ARL5C: variants seen among roughly 807,000 people sequenced by gnomAD.
The protein encoded by ARL5C is putative ADP-ribosylation factor-like protein 5C.
A neutral mutation model predicts 20.8 loss-of-function variants in ARL5C; 21 were observed. That is an observed-to-expected ratio of 1.01 (90% CI 0.72 to 1.46). The LOEUF (loss-of-function observed/expected upper bound fraction) is 1.46. Among genes scored for constraint, ARL5C ranks in the 40% most tolerant of loss-of-function variants. The pLI, the probability that ARL5C is intolerant of heterozygous loss-of-function variation, is 0.00. For synonymous variants in ARL5C, 71 were observed against 81.6 expected (o/e 0.87, Z 0.70); for missense variants, 199 against 225.1 (o/e 0.88, Z 0.74).
chr17:39,162,118 A>G (rs2045438106), intron 3 of ARL5C, among the ~76,000 whole-genome samples: 1 of 152,136 alleles, frequency 6.6e-6, no homozygotes, highest in African/African-American at 2.4e-5. Context: ...TAAGGCCCCT[A>G]GAGAGAAGGG....
rs1567779711 is a variant in ARL5C at position 39,158,093 on chromosome 17, GTC to G, written c.492-1153_492-1152del. Among the ~76,000 whole-genome samples the G allele has an allele frequency of 3.3e-4, 46 of 140,844 alleles. No individual in the cohort carries two copies. In the East Asian group the frequency reaches 9.8e-3, roughly 30 times the overall value. The allele number at this position is 140,844 out of a possible 152,430, so 92.4% of individuals were successfully genotyped here. On this transcript the variant is annotated intron_variant, in intron 5 of 5. Transcript: ENST00000269586. ...AGCCTGGGCAACAGAGCAAGTGGCC[GTC>G]GAAGAAAGGGAAGGAGGGAGGGAGG...
At position 39,160,670 on chromosome 17, in the gene ARL5C, T is replaced by C. The variant is rs377482301; in HGVS notation, c.412A>G (p.Ile138Val). The part of the protein sequence containing the change: ...DVKDSMRMVE[I>V]SHFLTLSTIK... ...GTGCTGAGAGTAAGGAAATGGGAGATCTCCACCATCCTCATGGAGTCCTTC... is the reference window on the plus strand; with the variant it reads ...GTGCTGAGAGTAAGGAAATGGGAGACCTCCACCATCCTCATGGAGTCCTTC... The change falls in exon 5 of 6, where the codon ATC becomes GTC. Residue 138 changes from isoleucine (I) to valine (V), a missense_variant. Physicochemically the swap from Ile to Val is conservative, Grantham distance 29. Coordinates refer to ENST00000269586, the MANE Select transcript of ARL5C (RefSeq NM_001143968.1). 9.7e-6 allele frequency: 15 copies of C among 1,551,598 alleles called. No homozygotes were observed. The African/African-American group carries it at 1.9e-4, about 20-fold the overall frequency.
Position 39,165,761 on chromosome 17 carries a change from G to T in ARL5C, c.-1C>A. The T allele has an allele frequency of 1.3e-6, 2 of 1,551,822 alleles. No homozygotes were observed. ...TTAACTTGGCGATCAGCTGTCCCAT[G>T]GCACTTCCCGGGCCGGACAGGTGCA... On this transcript the variant is annotated 5_prime_UTR_variant, in exon 1 of 6. Coordinates refer to ENST00000269586, the MANE Select transcript of ARL5C (RefSeq NM_001143968.1).
At chr17:39,162,334 C>G (rs34588159) in intron 3 of ARL5C, among the ~76,000 whole-genome samples, 2,671 of 152,224 alleles carry the variant, frequency 0.018, 85 homozygotes, top group African/African-American at 0.061. Flanking sequence ...GAGTCTTGCT[C>G]TGTTGCCCAG....
chr17:39,157,485 G>T (rs541039352), intron 5 of ARL5C, among the ~76,000 whole-genome samples: 284 of 152,294 alleles, frequency 1.9e-3, no homozygotes, highest in Non-Finnish European at 3.6e-3. Flanking sequence ...GGAACATGGG[G>T]GGTACTTAGA....
At chr17:39,159,314 G>C (rs893804356) in intron 5 of ARL5C, among the ~76,000 whole-genome samples, 1 of 52,322 alleles carries the variant, frequency 1.9e-5, no homozygotes, top group South Asian at 6.1e-4. Flanking sequence ...TTTTTTTTTT[G>C]AGATGGTGCT....
intron 5 of ARL5C, among the ~76,000 whole-genome samples, chr17:39,158,484 G>A (rs910536906): frequency 6.6e-6 from 1 of 151,852 alleles, no homozygotes; most frequent in African/African-American, 2.4e-5. Context: ...ATGGTGGTGT[G>A]CGCCTGTAGT....
At chr17:39,164,281 T>C (rs1315000841) in intron 2 of ARL5C, 1 of 152,202 alleles carries the variant, frequency 6.6e-6, no homozygotes, top group Non-Finnish European at 1.5e-5. Flanking sequence ...GACTGGTCTG[T>C]AGACCACACT....
rs541282953 is a variant in ARL5C, at chr17:39,163,106, C to G, written c.108-248G>C. On this transcript the variant is annotated intron_variant, in intron 2 of 5. Coordinates refer to ENST00000269586, the MANE Select transcript of ARL5C (RefSeq NM_001143968.1). Reference sequence around the variant, plus strand: ...TTAGAGGAGGCTCCTCAAACTTTATCTCTTTTTTTCTTTTTATAGAAACAG... The same window carrying G: ...TTAGAGGAGGCTCCTCAAACTTTATGTCTTTTTTTCTTTTTATAGAAACAG... 2.5e-3 allele frequency among the ~76,000 whole-genome samples: 380 copies of G among 152,232 alleles called. 1 individual carries two copies. Among genetic ancestry groups the G allele is most frequent in the Non-Finnish European group, 4.3e-3 (291 of 68,006 alleles).
At chr17:39,158,542 G>A (rs2144040814) in intron 5 of ARL5C, among the ~76,000 whole-genome samples, 1 of 152,016 alleles carries the variant, frequency 6.6e-6, no homozygotes, top group East Asian at 1.9e-4. Flanking sequence ...GAGCCCAAGA[G>A]GTTGAAGCTG....
chr17:39,159,306 T>C (rs1163302785), intron 5 of ARL5C, among the ~76,000 whole-genome samples: 1 of 149,062 alleles, frequency 6.7e-6, no homozygotes, highest in Non-Finnish European at 1.5e-5. Flanking sequence ...TCTTTTTTTT[T>C]TTTTTTTGAG....
chr17:39,159,092 C>A (rs1187506160), intron 5 of ARL5C, among the ~76,000 whole-genome samples: 2 of 113,932 alleles, frequency 1.8e-5, no homozygotes, highest in African/African-American at 6.9e-5. Flanking sequence ...AGTGCAGCAA[C>A]ATGGTCAGAG....
At chr17:39,157,555 G>A (rs1022322768) in intron 5 of ARL5C, among the ~76,000 whole-genome samples, 2 of 149,702 alleles carry the variant, frequency 1.3e-5, no homozygotes, top group African/African-American at 2.5e-5. Flanking sequence ...TTAGGGAGGC[G>A]GAGGCGGGTG....
chr17:39,160,518 G>A (rs1386808918), intron 5 of ARL5C, 73 bp downstream of exon 5: 1 of 1,506,944 alleles, frequency 6.6e-7, no homozygotes, highest in African/African-American at 1.4e-5. Context: ...AGAGAGGCAG[G>A]AGAAGGGTTC....
chr17:39,163,328 A>AG (rs916797140), intron 2 of ARL5C, among the ~76,000 whole-genome samples: 20 of 127,418 alleles, frequency 1.6e-4, no homozygotes, highest in African/African-American at 4.9e-4. Context: ...GAGTCTGGGC[A>AG]GGGGTCCAGG....
intron 2 of ARL5C, 194 bp downstream of exon 2, chr17:39,164,885 C>T (rs1009856831): frequency 5.3e-6 from 3 of 567,270 alleles, no homozygotes; most frequent in Admixed American, 6.3e-5. Flanking sequence ...GCTAGGGTTG[C>T]CTGTACGGTG....
At chr17:39,165,578 G>T in intron 1 of ARL5C, 137 bp downstream of exon 1, 1 of 1,091,322 alleles carries the variant, frequency 9.2e-7, no homozygotes, top group Non-Finnish European at 1.3e-6. Context: ...GGCAGGGGAG[G>T]CCGCGGGGCA....
chr17:39,164,818 G>A (rs2045454459), intron 2 of ARL5C, among the ~76,000 whole-genome samples: 1 of 152,174 alleles, frequency 6.6e-6, no homozygotes, highest in South Asian at 2.1e-4. Context: ...GGGACACTTG[G>A]CAGGCCTGGA....
chr17:39,159,552 C>T (rs1359598449), intron 5 of ARL5C, among the ~76,000 whole-genome samples: 1 of 152,232 alleles, frequency 6.6e-6, no homozygotes, highest in East Asian at 1.9e-4. Flanking sequence ...CCGCCTTGGC[C>T]TCCCAAAGTG....
Sources: allele counts gnomAD v4.1 joint callset (sites outside exome capture counted in the v4.1 genomes callset), GRCh38; gene constraint gnomAD v4.1.1; transcripts MANE v1.5; gene names NCBI Gene and HGNC (gene_info 2026-07-23, HGNC 2026-07-21).